NSD1: variants seen among roughly 807,000 people sequenced by gnomAD.
The protein encoded by NSD1 is nuclear receptor binding SET domain protein 1.
In NSD1, 26 loss-of-function variants were observed where a neutral mutation model predicts 242.7. The observed-to-expected ratio is 0.11, with a 90% CI of 0.08 to 0.15. The LOEUF (loss-of-function observed/expected upper bound fraction) is 0.15. Ranked by LOEUF, NSD1 falls within the 10% of genes least tolerant of loss-of-function variation. NSD1 has a pLI of 1.00. For synonymous variants in NSD1, 1,106 were observed against 1,178.1 expected (o/e 0.94, Z 1.25); for missense variants, 2,495 against 3,272.8 (o/e 0.76, Z 5.80).
In NSD1 at chr5:177,280,663, A is replaced by T. The variant is rs28932183; in HGVS notation, c.5721A>T (p.Ile1907=). 3.7e-6 allele frequency: 6 copies of T among 1,614,228 alleles called. No homozygotes were observed. The highest frequency in any genetic ancestry group is 5.1e-6 in the Non-Finnish European group (6 of 1,180,044). The part of the protein sequence containing the change: ...CKATDENPCG[I]DSECINRMLL... The stretch of plus-strand genomic sequence containing the variant: ...CTACTGATGAGAACCCCTGTGGGAT[A>T]GACTCTGAATGCATCAACCGCATGC... Residue 1907 remains isoleucine, a synonymous_variant, in exon 18 of 23, where the codon ATA becomes ATT. Transcript: ENST00000439151.
At chr5:177,251,129 G>A (rs1755920946) in intron 11 of NSD1, among the ~76,000 whole-genome samples, 1 of 151,800 alleles carries the variant, frequency 6.6e-6, no homozygotes. Context: ...GGCAGAGGTG[G>A]CAGTGAGCCA....
chr5:177,239,264 T>C lies in NSD1; in HGVS notation c.4193-492T>C, dbSNP rs115742869. 8.5e-3 allele frequency among the ~76,000 whole-genome samples: 1,298 copies of C among 152,356 alleles called. 22 individuals carry two copies. The highest frequency in any genetic ancestry group is 0.03 in the African/African-American group (1,237 of 41,578). On this transcript the variant is annotated intron_variant, in intron 7 of 22. Coordinates refer to ENST00000439151, the MANE Select transcript of NSD1 (RefSeq NM_022455.5). ...TTTGAAAGAACAGTAAAGATAGTTA[T>C]TATTTCAGTACCTACTATGTGCCAA...
At chr5:177,257,523 G>A (rs1756587599) in intron 13 of NSD1, among the ~76,000 whole-genome samples, 1 of 151,976 alleles carries the variant, frequency 6.6e-6, no homozygotes, top group East Asian at 1.9e-4. Flanking sequence ...GAGCCGCTGC[G>A]CCCGGCCGGC....
At chr5:177,257,573 T>C (rs1756595271) in intron 13 of NSD1, among the ~76,000 whole-genome samples, 1 of 152,040 alleles carries the variant, frequency 6.6e-6, no homozygotes, top group African/African-American at 2.4e-5. Context: ...CCATGTCACT[T>C]TATGGCCTCT....
At chr5:177,165,384 G>A (rs1759100508) in intron 2 of NSD1, among the ~76,000 whole-genome samples, 1 of 152,060 alleles carries the variant, frequency 6.6e-6, no homozygotes. Context: ...GGCCCGATTG[G>A]TCTCGAACTC....
At position 177,211,185 on chromosome 5, in the gene NSD1, C is replaced by T. The variant is rs1478301860; in HGVS notation, c.2786C>T (p.Thr929Ile). ...DSKTKEQRLM[T>I]AQNLVSYRSP... ...AAGACGAAGGAGCAGCGGTTGATGA[C>T]TGCTCAAAACCTGGTCTCTTACCGG... The change falls in exon 5 of 23, where the codon ACT becomes ATT. Residue 929 changes from threonine (T) to isoleucine (I), a missense_variant. By Grantham distance (89) the Thr-to-Ile change is moderately conservative. Coordinates refer to ENST00000439151, the MANE Select transcript of NSD1 (RefSeq NM_022455.5). 1 of 1,614,112 alleles carries T rather than the reference C, an allele frequency of 6.2e-7. No individual in the cohort carries two copies.
At chr5:177,287,095 G>A (rs1001284334) in intron 20 of NSD1, among the ~76,000 whole-genome samples, 3 of 152,164 alleles carry the variant, frequency 2.0e-5, no homozygotes, top group Non-Finnish European at 2.9e-5. Context: ...CCCAGTAACT[G>A]AAGATCCATC....
At chr5:177,181,927 C>T (rs1044980291) in intron 2 of NSD1, among the ~76,000 whole-genome samples, 3 of 151,630 alleles carry the variant, frequency 2.0e-5, no homozygotes, top group Non-Finnish European at 2.9e-5. Context: ...CCCAGGTGGG[C>T]GGATCACGAG....
At chr5:177,291,646 C>A (rs576570970) in intron 21 of NSD1, among the ~76,000 whole-genome samples, 5 of 152,190 alleles carry the variant, frequency 3.3e-5, no homozygotes, top group Admixed American at 1.3e-4. Flanking sequence ...CAGCAAGACT[C>A]CGTCTTGAAA....
At chr5:177,180,057 C>T (rs1042090608) in intron 2 of NSD1, among the ~76,000 whole-genome samples, 3 of 151,678 alleles carry the variant, frequency 2.0e-5, no homozygotes, top group South Asian at 2.1e-4. Flanking sequence ...CCTGCCAACA[C>T]GCCTGGCTAA....
intron 2 of NSD1, among the ~76,000 whole-genome samples, chr5:177,148,622 A>G (rs1757449563): frequency 6.6e-6 from 1 of 150,472 alleles, no homozygotes; most frequent in African/African-American, 2.5e-5. Context: ...ACGGGGTTTC[A>G]CCATGTTGGG....
chr5:177,165,853 C>T (rs1201650868), intron 2 of NSD1, among the ~76,000 whole-genome samples: 1 of 152,014 alleles, frequency 6.6e-6, no homozygotes, highest in Non-Finnish European at 1.5e-5. Context: ...AGCCTTCTAG[C>T]CTTGGCCTCC....
chr5:177,164,583 T>C (rs2149792136), intron 2 of NSD1, among the ~76,000 whole-genome samples: 1 of 152,302 alleles, frequency 6.6e-6, no homozygotes, highest in East Asian at 1.9e-4. Flanking sequence ...CTGTATATTA[T>C]ACTGGAAATG....
At chr5:177,219,676 C>T (rs745898266) in intron 5 of NSD1, among the ~76,000 whole-genome samples, 1 of 152,036 alleles carries the variant, frequency 6.6e-6, no homozygotes, top group Non-Finnish European at 1.5e-5. Context: ...TTTGTTAAGA[C>T]TTGTGTGGCT....
chr5:177,248,048 T>A, intron 10 of NSD1, 133 bp from the exon 11 acceptor site: 1 of 1,528,648 alleles, frequency 6.5e-7, no homozygotes, highest in Non-Finnish European at 8.8e-7. Context: ...TAACATTGCA[T>A]GCAGTCCGCC....
At position 177,211,942 on chromosome 5, in the gene NSD1, A is replaced by G. The variant is rs1326322597; in HGVS notation, c.3543A>G (p.Glu1181=). The change falls in exon 5 of 23, where the codon GAA becomes GAG. Residue 1181 remains glutamate (E), a synonymous_variant. Coordinates refer to ENST00000439151, the MANE Select transcript of NSD1 (RefSeq NM_022455.5). ...GCATGAACAGATTTAAAGAGAAAGAAAACTCTGAGTGTGCCTTTAGGGTCT... is the reference window on the plus strand; with the variant it reads ...GCATGAACAGATTTAAAGAGAAAGAGAACTCTGAGTGTGCCTTTAGGGTCT... ...RKRMNRFKEK[E]NSECAFRVLL... 2 of 1,604,196 alleles carry G rather than the reference A, an allele frequency of 1.2e-6. No individual in the cohort carries two copies. Among genetic ancestry groups the G allele is most frequent in the Non-Finnish European group, 1.7e-6 (2 of 1,175,102 alleles).
At chr5:177,197,946 C>G (rs13188381) in intron 3 of NSD1, among the ~76,000 whole-genome samples, 1 of 152,090 alleles carries the variant, frequency 6.6e-6, no homozygotes, top group Non-Finnish European at 1.5e-5. Context: ...AGGGAGGATG[C>G]TGCAGGCAGA....
intron 5 of NSD1, among the ~76,000 whole-genome samples, chr5:177,213,560 C>T (rs941143432): frequency 1.2e-4 from 19 of 152,240 alleles, no homozygotes; most frequent in East Asian, 1.9e-4. Flanking sequence ...CTCCGCCTCC[C>T]GGGTTCACGC....
intron 9 of NSD1, 49 bp from the exon 10 acceptor site, chr5:177,246,629 G>T: frequency 8.4e-7 from 1 of 1,195,368 alleles, no homozygotes; most frequent in Non-Finnish European, 1.3e-6. Context: ...AAGAGATTTT[G>T]GACATGTGTG....
Sources: allele counts gnomAD v4.1 joint callset (sites outside exome capture counted in the v4.1 genomes callset), GRCh38; gene constraint gnomAD v4.1.1; transcripts MANE v1.5; gene names NCBI Gene and HGNC (gene_info 2026-07-23, HGNC 2026-07-21).